LMO7: variants seen among roughly 807,000 people sequenced by gnomAD.
LMO7 encodes LIM domain only protein 7.
In LMO7, 120 loss-of-function variants were observed where a neutral mutation model predicts 206.5. That is an observed-to-expected ratio of 0.58 (90% CI 0.50 to 0.68). The LOEUF is 0.68. Among genes scored for constraint, LMO7 ranks in the 30% least tolerant of loss-of-function variants. The pLI is 0.00. For missense variants in LMO7, 1,959 were observed against 1,957.9 expected, an observed-to-expected ratio of 1.00 and a Z score of -0.01; for synonymous variants, 706 against 681.5, an observed-to-expected ratio of 1.04 and a Z score of -0.56.
At chr13:75,774,197 A>G (rs1249879732) in intron 4 of LMO7, among the ~76,000 whole-genome samples, 1 of 152,150 alleles carries the variant, frequency 6.6e-6, no homozygotes, top group African/African-American at 2.4e-5. Context: ...ATAGAACCCT[A>G]GAAGTTTTCT....
At chr13:75,832,983 A>G (rs894198269) in intron 15 of LMO7, 68 bp from the exon 16 acceptor site, 7 of 831,722 alleles carry the variant, frequency 8.4e-6, no homozygotes, top group African/African-American at 6.7e-5. Context: ...CCCTCCTTTC[A>G]TGGATAGACT....
chr13:75,675,747 C>T (rs1418592213), intron 1 of LMO7, among the ~76,000 whole-genome samples: 2 of 152,056 alleles, frequency 1.3e-5, no homozygotes, highest in East Asian at 3.8e-4. Context: ...TTTTTTTGAA[C>T]AAAGAATGAG....
At chr13:75,638,920 A>G (rs1227451366) in intron 1 of LMO7, among the ~76,000 whole-genome samples, 1 of 152,186 alleles carries the variant, frequency 6.6e-6, no homozygotes, top group African/African-American at 2.4e-5. Context: ...TAGTCTTGCT[A>G]CATTTTGCCC....
rs369443535 is a variant in LMO7 at position 75,800,694 on chromosome 13, A to G, written c.473A>G (p.Asp158Gly). The change falls in exon 7 of 31, where the codon GAC becomes GGC. Residue 158 changes from aspartate to glycine, a missense_variant. Asp to Gly is a moderately conservative substitution (Grantham distance 94). Coordinates refer to ENST00000377534, the MANE Select transcript of LMO7 (RefSeq NM_001306080.2). ...AAACGTTTTCTTTAGGCACTCGAAG[A>G]CTCCAGCTTCCTGAAAAGAAGTGGC... ...LGQALTKALE[D>G]SSFLKRSGRD... 1.4e-5 allele frequency: 23 copies of G among 1,613,918 alleles called. No individual in the cohort carries two copies. In the South Asian group the frequency reaches 1.8e-4, roughly 12 times the overall value.
chr13:75,811,972 G>A (rs1007641605), intron 11 of LMO7, among the ~76,000 whole-genome samples: 28 of 152,242 alleles, frequency 1.8e-4, no homozygotes, highest in African/African-American at 5.5e-4. Context: ...AGATTCTGTA[G>A]AATTATAAAG....
At chr13:75,684,566 TA>T (rs1555293839) in intron 1 of LMO7, among the ~76,000 whole-genome samples, 2 of 150,600 alleles carry the variant, frequency 1.3e-5, no homozygotes, top group African/African-American at 4.9e-5. Context: ...TTTTTTTTTT[TA>T]AACAAGTTTT....
intron 3 of LMO7, among the ~76,000 whole-genome samples, chr13:75,754,935 G>A (rs1463524876): frequency 6.6e-6 from 1 of 152,216 alleles, no homozygotes; most frequent in Non-Finnish European, 1.5e-5. Flanking sequence ...TTCCATTGAA[G>A]TGTATAATTG....
intron 21 of LMO7, 89 bp downstream of exon 21, chr13:75,840,199 T>G (rs2059459537): frequency 7.0e-7 from 1 of 1,430,866 alleles, no homozygotes; most frequent in Non-Finnish European, 9.8e-7. Flanking sequence ...GATTTTAGGT[T>G]GCATAAGAAT....
At chr13:75,776,326 T>C (rs2050493682) in intron 4 of LMO7, among the ~76,000 whole-genome samples, 1 of 150,698 alleles carries the variant, frequency 6.6e-6, no homozygotes, top group African/African-American at 2.4e-5. Flanking sequence ...CATTTGAACT[T>C]CTGTATAGTC....
At chr13:75,801,712 A>G (rs141509638) in intron 7 of LMO7, among the ~76,000 whole-genome samples, 214 of 152,292 alleles carry the variant, frequency 1.4e-3, no homozygotes, top group Non-Finnish European at 2.4e-3. Context: ...CTGTGCTTCT[A>G]TCGACATCAA....
chr13:75,825,434 GA>G (rs1173117219), intron 15 of LMO7, among the ~76,000 whole-genome samples: 2 of 152,154 alleles, frequency 1.3e-5, no homozygotes, highest in Non-Finnish European at 2.9e-5. Context: ...GTGGATTAAG[GA>G]AAAGAGGCTA....
At chr13:75,847,315 C>A (rs2060083648) in intron 26 of LMO7, among the ~76,000 whole-genome samples, 1 of 152,148 alleles carries the variant, frequency 6.6e-6, no homozygotes, top group South Asian at 2.1e-4. Context: ...AACTAATCGC[C>A]AAATCCAAGA....
intron 1 of LMO7, among the ~76,000 whole-genome samples, chr13:75,679,842 A>G (rs1012688509): frequency 3.3e-5 from 5 of 152,128 alleles, no homozygotes; most frequent in Admixed American, 6.5e-5. Flanking sequence ...TGGCCTCTCA[A>G]AGTGCTGGGA....
chr13:75,688,240 A>G (rs2041176855), intron 1 of LMO7, among the ~76,000 whole-genome samples: 3 of 152,178 alleles, frequency 2.0e-5, no homozygotes, highest in Admixed American at 6.5e-5. Flanking sequence ...AAGAAGCTCA[A>G]TGGCTATGCT....
intron 8 of LMO7, 69 bp from the exon 9 acceptor site, chr13:75,805,410 A>G: frequency 1.3e-6 from 2 of 1,498,270 alleles, no homozygotes; most frequent in Non-Finnish European, 9.1e-7. Flanking sequence ...TGAACCAGAA[A>G]GCATGCCATT....
chr13:75,727,066 A>T lies in LMO7; in HGVS notation c.178A>T (p.Ile60Phe). The T allele has an allele frequency of 1.3e-6, 2 of 1,590,322 alleles. No homozygotes were observed. The highest frequency in any genetic ancestry group is 8.6e-7 in the Non-Finnish European group (1 of 1,159,208). The part of the protein sequence containing the change: ...NKLKPGVIKK[I>F]NRLSTPIAGL... ...GCTTAAACCTGGCGTCATTAAGAAG[A>T]TCAATAGACTGTCTACACCAATAGC... The change falls in exon 3 of 31, where the codon ATC (isoleucine) becomes TTC (phenylalanine). Residue 60 changes from isoleucine to phenylalanine, a missense_variant. Coordinates refer to ENST00000377534, the MANE Select transcript of LMO7 (RefSeq NM_001306080.2).
At chr13:75,727,894 C>A (rs182870794) in intron 3 of LMO7, among the ~76,000 whole-genome samples, 5 of 151,332 alleles carry the variant, frequency 3.3e-5, no homozygotes, top group African/African-American at 4.9e-5. Flanking sequence ...TTTGTCCTTG[C>A]GATAGTTTAC....
At chr13:75,793,024 C>A (rs2053520350) in intron 4 of LMO7, among the ~76,000 whole-genome samples, 1 of 152,066 alleles carries the variant, frequency 6.6e-6, no homozygotes, top group South Asian at 2.1e-4. Context: ...GTCAGGGGTT[C>A]AAGAGAGCTC....
At chr13:75,709,812 A>G (rs2042944895) in intron 1 of LMO7, among the ~76,000 whole-genome samples, 1 of 149,776 alleles carries the variant, frequency 6.7e-6, no homozygotes, top group Admixed American at 6.6e-5. Context: ...ATTAGATCCC[A>G]TTTGTTAATT....
Sources: gnomAD v4.1 joint callset for allele counts (sites outside exome capture counted in the v4.1 genomes callset) on GRCh38, gnomAD v4.1.1 for gene constraint, MANE v1.5 for transcripts, NCBI Gene and HGNC (gene_info 2026-07-23, HGNC 2026-07-21) for gene names.